The following NEBL variants were observed in gnomAD, a reference collection of about 807,000 sequenced individuals.
NEBL encodes nebulette.
Under a neutral mutation model 140.2 loss-of-function variants are expected in NEBL, and 122 were observed. The ratio of observed to expected loss-of-function variants is 0.87; its 90% CI spans 0.75 to 1.01. The LOEUF (loss-of-function observed/expected upper bound fraction) is 1.01. Among genes scored for constraint, NEBL ranks in the 50% least tolerant of loss-of-function variants. NEBL has a pLI of 0.00. For missense variants in NEBL, 1,365 were observed against 1,231.3 expected (o/e 1.11, Z -1.62); for synonymous variants, 436 against 398.9 (o/e 1.09, Z -1.11).
chr10:21,177,110 A>T (rs527337053), upstream of NEBL, among the ~76,000 whole-genome samples: 1 of 152,058 alleles, frequency 6.6e-6, no homozygotes, highest in Non-Finnish European at 1.5e-5. Flanking sequence ...GCCTTTCCCC[A>T]CTGAGCTTGG....
chr10:21,279,612 G>T (rs1357848263), intron 1 of NEBL, among the ~76,000 whole-genome samples: 1 of 152,072 alleles, frequency 6.6e-6, no homozygotes, highest in African/African-American at 2.4e-5. Context: ...CAAAAAATTA[G>T]CTGGGCATGG....
chr10:21,260,576 G>C (rs1259043847), intron 1 of NEBL, among the ~76,000 whole-genome samples: 1 of 152,164 alleles, frequency 6.6e-6, no homozygotes, highest in African/African-American at 2.4e-5. Flanking sequence ...TGGCAGCCAA[G>C]AAGCCCCAGG....
intron 9 of NEBL, among the ~76,000 whole-genome samples, chr10:20,854,935 C>CT (rs1180918946): frequency 5.9e-5 from 9 of 151,688 alleles, no homozygotes; most frequent in Non-Finnish European, 8.8e-5. Context: ...TTAAAAAAGC[C>CT]TTTTTTTGGC....
chr10:20,823,161 T>A (rs776209215), intron 19 of NEBL, 47 bp downstream of exon 19: 1 of 1,360,946 alleles, frequency 7.3e-7, no homozygotes, highest in South Asian at 1.2e-5. Flanking sequence ...TCATTACGTG[T>A]TGATATACAA....
intron 2 of NEBL, chr10:21,029,669 A>G (rs1195906333): frequency 5.0e-6 from 6 of 1,191,050 alleles, no homozygotes; most frequent in Middle Eastern, 2.7e-4. Flanking sequence ...GGAGACAAGT[A>G]TCGAGATCGT....
chr10:20,934,549 A>T (rs910463096), intron 4 of NEBL, among the ~76,000 whole-genome samples: 2 of 152,094 alleles, frequency 1.3e-5, no homozygotes, highest in Admixed American at 6.6e-5. Flanking sequence ...AACCCGTGCT[A>T]TCCACGATGG....
intron 3 of NEBL, among the ~76,000 whole-genome samples, chr10:21,245,913 TCTCGATCTCCTGAC>T (rs1186892823): frequency 6.6e-6 from 1 of 152,230 alleles, no homozygotes; most frequent in Non-Finnish European, 1.5e-5. Context: ...GCCAGGATGG[TCTCGATCTCCTGAC>T]CTCGTGATCC....
intron 2 of NEBL, among the ~76,000 whole-genome samples, chr10:21,088,834 T>C (rs2131957866): frequency 6.6e-6 from 1 of 152,246 alleles, no homozygotes. Context: ...TTCTACAGAG[T>C]CAGAGAGTCC....
At chr10:21,102,761 G>A (rs1837532271) in intron 2 of NEBL, among the ~76,000 whole-genome samples, 1 of 152,190 alleles carries the variant, frequency 6.6e-6, no homozygotes, top group South Asian at 2.1e-4. Flanking sequence ...CAGAAATAAA[G>A]CTGCTATGCA....
chr10:21,230,606 T>C (rs116478824), intron 3 of NEBL, among the ~76,000 whole-genome samples: 7 of 140,008 alleles, frequency 5.0e-5, no homozygotes, highest in South Asian at 2.2e-4. Flanking sequence ...CTGGAAACCT[T>C]TTTTTTTTTT....
intron 2 of NEBL, among the ~76,000 whole-genome samples, chr10:21,131,633 T>C (rs1237813339): frequency 6.6e-6 from 1 of 151,864 alleles, no homozygotes; most frequent in East Asian, 1.9e-4. Context: ...TATGTTATTG[T>C]TTTCAAATCC....
In NEBL at chr10:20,845,179, T is replaced by C. The variant is rs12260966; in HGVS notation, c.1227+79A>G. Reference sequence around the variant, plus strand: ...CTTAATATCTGAAACACTGAATTAGTAGAGAATTAGGTAAACATTTCCTGG... The same window carrying C: ...CTTAATATCTGAAACACTGAATTAGCAGAGAATTAGGTAAACATTTCCTGG... On this transcript the variant is annotated intron_variant, in intron 12 of 27. Coordinates refer to ENST00000377122, the MANE Select transcript of NEBL (RefSeq NM_006393.3). The C allele has an allele frequency of 2.6e-3, 2,266 of 875,572 alleles. 30 individuals are homozygous for C. In the African/African-American group the frequency reaches 0.031, roughly 12 times the overall value. 54.2% of individuals were successfully genotyped at this position (875,572 alleles called of 1,614,324 possible).
At chr10:21,283,818 T>A (rs1843021788) in intron 1 of NEBL, among the ~76,000 whole-genome samples, 1 of 152,014 alleles carries the variant, frequency 6.6e-6, no homozygotes, top group Non-Finnish European at 1.5e-5. Flanking sequence ...TGAGCTGAAT[T>A]TCTTTTCAGG....
At chr10:21,093,853 G>A (rs1478001067) in intron 2 of NEBL, among the ~76,000 whole-genome samples, 1 of 152,192 alleles carries the variant, frequency 6.6e-6, no homozygotes. Flanking sequence ...TTCATTGCAT[G>A]TGTTACTCAT....
intron 2 of NEBL, among the ~76,000 whole-genome samples, chr10:21,074,637 T>C (rs7089148): frequency 0.3 from 45,282 of 151,510 alleles, 9,632 homozygotes; most frequent in African/African-American, 0.61. Flanking sequence ...ACCACCAAGC[T>C]CGGCTAATTT....
At chr10:20,837,711 C>T (rs1285401767) in intron 13 of NEBL, among the ~76,000 whole-genome samples, 7 of 152,162 alleles carry the variant, frequency 4.6e-5, no homozygotes, top group Admixed American at 4.6e-4. Context: ...ATGTCTGCTT[C>T]AATTCTTCAA....
chr10:21,040,361 T>C (rs1257197437), intron 2 of NEBL, among the ~76,000 whole-genome samples: 5 of 151,010 alleles, frequency 3.3e-5, no homozygotes, highest in African/African-American at 1.2e-4. Flanking sequence ...AGAAAGAGGG[T>C]TTATTTGGCT....
At chr10:21,225,367 T>G (rs1842130454) in intron 3 of NEBL, among the ~76,000 whole-genome samples, 1 of 151,968 alleles carries the variant, frequency 6.6e-6, no homozygotes, top group African/African-American at 2.4e-5. Flanking sequence ...TCACTCAAGG[T>G]CCACAGTAAC....
intron 2 of NEBL, among the ~76,000 whole-genome samples, chr10:21,248,510 T>C (rs1187788785): frequency 1.3e-5 from 2 of 152,206 alleles, no homozygotes; most frequent in Non-Finnish European, 2.9e-5. Context: ...CTATTCCTTA[T>C]TAGGACTGAA....
Sources: allele counts gnomAD v4.1 joint callset (sites outside exome capture counted in the v4.1 genomes callset), GRCh38; gene constraint gnomAD v4.1.1; transcripts MANE v1.5; gene names NCBI Gene and HGNC (gene_info 2026-07-23, HGNC 2026-07-21).